Variants in ANKFN1 observed in about 807,000 individuals in gnomAD.
The protein encoded by ANKFN1 is ankyrin repeat and fibronectin type III domain containing 1, also known as ankyrin repeat and fibronectin type-III domain-containing protein 1.
A neutral mutation model predicts 108.7 loss-of-function variants in ANKFN1; 74 were observed. That is an observed-to-expected ratio of 0.68 (90% CI 0.56 to 0.83). ANKFN1 has a LOEUF of 0.83. ANKFN1 is among the 40% of genes least tolerant of loss of function. ANKFN1 has a pLI of 0.00. For synonymous variants in ANKFN1, 547 were observed against 516.2 expected (o/e 1.06, Z -0.81); for missense variants, 1,505 against 1,382.3 (o/e 1.09, Z -1.41).
At chr17:56,279,730 G>A (rs1028923624) in intron 3 of ANKFN1, among the ~76,000 whole-genome samples, 1 of 152,134 alleles carries the variant, frequency 6.6e-6, no homozygotes, top group African/African-American at 2.4e-5. Context: ...AGCTGCAGTG[G>A]TTGTTGATTT....
chr17:56,152,486 G>T (rs149367160), upstream of ANKFN1, among the ~76,000 whole-genome samples: 1 of 151,752 alleles, frequency 6.6e-6, no homozygotes, highest in African/African-American at 2.4e-5. Context: ...TTTTAAAAAA[G>T]CAATTAGACA....
intron 8 of ANKFN1, among the ~76,000 whole-genome samples, chr17:56,431,625 C>T (rs1294436932): frequency 6.6e-6 from 1 of 152,170 alleles, no homozygotes; most frequent in African/African-American, 2.4e-5. Flanking sequence ...ATCCTGTCCT[C>T]AAGGAGTTTA....
intron 1 of ANKFN1, among the ~76,000 whole-genome samples, chr17:56,171,253 A>G (rs1214792713): frequency 6.6e-6 from 1 of 152,098 alleles, no homozygotes; most frequent in Non-Finnish European, 1.5e-5. Context: ...CTTTTGAAGG[A>G]AGTGAGGGAC....
intron 4 of ANKFN1, among the ~76,000 whole-genome samples, chr17:56,132,570 C>A (rs1394307386): frequency 1.3e-5 from 2 of 152,108 alleles, no homozygotes; most frequent in Non-Finnish European, 2.9e-5. Flanking sequence ...CAGAGTAGGT[C>A]ATTGGGAAAA....
At chr17:56,244,307 T>C (rs1917804359) in intron 3 of ANKFN1, among the ~76,000 whole-genome samples, 1 of 151,978 alleles carries the variant, frequency 6.6e-6, no homozygotes, top group Non-Finnish European at 1.5e-5. Context: ...GTGGAAAAGG[T>C]AAAGTGAAGA....
At chr17:56,370,230 T>G (rs1476457798) in intron 6 of ANKFN1, among the ~76,000 whole-genome samples, 1 of 152,144 alleles carries the variant, frequency 6.6e-6, no homozygotes, top group Non-Finnish European at 1.5e-5. Context: ...CAAAATGCAT[T>G]ATCTTGAAGA....
chr17:56,418,664 T>C (rs189550997), intron 8 of ANKFN1, among the ~76,000 whole-genome samples: 10 of 152,150 alleles, frequency 6.6e-5, no homozygotes, highest in African/African-American at 2.4e-4. Flanking sequence ...CTTTTAAAAC[T>C]GAGGAAACTG....
chr17:56,331,508 A>G (rs994848752), intron 4 of ANKFN1, among the ~76,000 whole-genome samples: 2 of 152,200 alleles, frequency 1.3e-5, no homozygotes, highest in African/African-American at 4.8e-5. Context: ...GAGGTGCCAG[A>G]ACTCACAACA....
chr17:56,414,164 T>A (rs1158878007), intron 8 of ANKFN1, among the ~76,000 whole-genome samples: 5 of 152,194 alleles, frequency 3.3e-5, no homozygotes, highest in African/African-American at 1.2e-4. Flanking sequence ...TGTTGTAGTA[T>A]CTCTGCCAGG....
chr17:56,284,652 T>C lies in ANKFN1; in HGVS notation c.54-41569T>C, dbSNP rs2044171013. On this transcript the variant is annotated intron_variant, in intron 3 of 20. Transcript: ENST00000682825. The stretch of plus-strand genomic sequence containing the variant: ...GTTTCAGCTTTACATATGCAGTGTA[T>C]GCATTTACTGAGTCATGGGCAGAAA... Among the ~76,000 whole-genome samples the C allele has an allele frequency of 2.0e-5, 3 of 152,224 alleles. No individual in the cohort carries two copies. The South Asian group carries it at 6.2e-4, about 31-fold the overall frequency.
At chr17:56,096,395 A>G (rs1905535244) in intron 4 of ANKFN1, among the ~76,000 whole-genome samples, 1 of 152,194 alleles carries the variant, frequency 6.6e-6, no homozygotes, top group Non-Finnish European at 1.5e-5. Context: ...ATGAAATTTG[A>G]ATTAAAGTCT....
chr17:56,353,684 T>C (rs2046305015), intron 5 of ANKFN1, 152 bp from the exon 6 acceptor site: 1 of 667,088 alleles, frequency 1.5e-6, no homozygotes, highest in Non-Finnish European at 2.6e-6. Flanking sequence ...CCTAACAGAG[T>C]GTTTACTTTG....
At chr17:56,462,661 G>A (rs143625698) in intron 14 of ANKFN1, among the ~76,000 whole-genome samples, 266 of 152,218 alleles carry the variant, frequency 1.7e-3, no homozygotes, top group Non-Finnish European at 3.4e-3. Context: ...TAGTTTGATT[G>A]GCATCAACCA....
chr17:56,322,046 T>G (rs1382250075), intron 3 of ANKFN1, among the ~76,000 whole-genome samples: 1 of 152,168 alleles, frequency 6.6e-6, no homozygotes, highest in Non-Finnish European at 1.5e-5. Context: ...CTTTACCTGG[T>G]GCTAAATGGG....
In ANKFN1 at chr17:56,362,372, T is replaced by A. The variant is rs567701578; in HGVS notation, c.601+8326T>A. Among the ~76,000 whole-genome samples, 4 of 152,298 alleles carry A rather than the reference T, an allele frequency of 2.6e-5. No individual in the cohort carries two copies. In the South Asian group the frequency reaches 8.3e-4, roughly 32 times the overall value. On this transcript the variant is annotated intron_variant, in intron 6 of 20. Coordinates refer to ENST00000682825, the MANE Select transcript of ANKFN1 (RefSeq NM_001370326.1). ...CAACACAGAATCCACTAGCCACATA[T>A]GACTATCAAACATTTGAAATATATC...
intron 4 of ANKFN1, among the ~76,000 whole-genome samples, chr17:56,113,918 G>A (rs1906117147): frequency 6.6e-6 from 1 of 152,114 alleles, no homozygotes; most frequent in African/African-American, 2.4e-5. Context: ...AGCCAGAGGG[G>A]AATGATTAAT....
chr17:56,262,604 TG>T (rs1474614337), intron 3 of ANKFN1, among the ~76,000 whole-genome samples: 1 of 152,222 alleles, frequency 6.6e-6, no homozygotes, highest in Non-Finnish European at 1.5e-5. Context: ...CAGTTTCTTT[TG>T]TAGCATTTGA....
chr17:56,339,297 C>T (rs180907364), intron 4 of ANKFN1, among the ~76,000 whole-genome samples: 29 of 152,068 alleles, frequency 1.9e-4, no homozygotes, highest in African/African-American at 6.7e-4. Context: ...ATTTCCTTCT[C>T]GATGCTTTCT....
intron 14 of ANKFN1, among the ~76,000 whole-genome samples, chr17:56,460,377 T>C (rs2049860588): frequency 1.3e-5 from 2 of 152,124 alleles, no homozygotes; most frequent in South Asian, 4.2e-4. Flanking sequence ...CACTTAAGCC[T>C]GGGAGGCAGA....
Sources: allele counts gnomAD v4.1 joint callset (sites outside exome capture counted in the v4.1 genomes callset), GRCh38; gene constraint gnomAD v4.1.1; transcripts MANE v1.5; gene names NCBI Gene and HGNC (gene_info 2026-07-23, HGNC 2026-07-21).